The following RAP2A variants were observed in gnomAD, a reference collection of about 807,000 sequenced individuals.
The protein encoded by RAP2A is ras-related protein Rap-2a.
A neutral mutation model predicts 15.1 loss-of-function variants in RAP2A; 5 were observed. That is an observed-to-expected ratio of 0.33 (90% CI 0.17 to 0.70). The LOEUF (loss-of-function observed/expected upper bound fraction) is 0.70, where lower values mean the gene tolerates loss of function less well. Ranked by LOEUF, RAP2A falls within the 30% of genes least tolerant of loss-of-function variation. The pLI, the probability that RAP2A is intolerant of heterozygous loss-of-function variation, is 0.68. For missense variants in RAP2A, 111 were observed against 240.3 expected (o/e 0.46, Z 3.56); for synonymous variants, 110 against 99.7 (o/e 1.10, Z -0.62).
chr13:97,453,532 T>A (rs2066711062), intron 1 of RAP2A, among the ~76,000 whole-genome samples: 1 of 151,390 alleles, frequency 6.6e-6, no homozygotes, highest in Admixed American at 6.6e-5. Flanking sequence ...TGGAGATTCA[T>A]CCAAGGTGTT....
At position 97,468,874 on chromosome 13, in the gene RAP2A, G is replaced by A. The variant is rs1245418735; in HGVS notation, c.*4432G>A. 1 of 152,242 alleles carries A rather than the reference G, an allele frequency of 6.6e-6. No individual in the cohort carries two copies. Among genetic ancestry groups the A allele is most frequent in the South Asian group, 2.1e-4 (1 of 4,816 alleles). 9.4% of individuals were successfully genotyped at this position (152,242 alleles called of 1,614,324 possible). A position where few individuals can be genotyped will look rare whatever the true frequency, so the allele number is the denominator to read the frequency against. On this transcript the variant is annotated 3_prime_UTR_variant, in exon 2 of 2. Transcript: ENST00000245304. ...TATTATTTGTCTGTTAGAGGTCCAC[G>A]AATGAAAATATATGTAGCTAAAGGA...
intron 1 of RAP2A, among the ~76,000 whole-genome samples, chr13:97,447,784 C>G (rs2066685577): frequency 6.6e-6 from 1 of 152,158 alleles, no homozygotes; most frequent in Admixed American, 6.5e-5. Context: ...ACTTCATTAT[C>G]TCATTCTACT....
chr13:97,456,381 C>A (rs1198332343), intron 1 of RAP2A, among the ~76,000 whole-genome samples: 1 of 151,342 alleles, frequency 6.6e-6, no homozygotes, highest in Non-Finnish European at 1.5e-5. Flanking sequence ...TTTCAGAGTT[C>A]TTTGGTAATT....
chr13:97,462,054 TTA>T (rs922529972), intron 1 of RAP2A, among the ~76,000 whole-genome samples: 106 of 145,180 alleles, frequency 7.3e-4, no homozygotes, highest in African/African-American at 1.3e-3. Flanking sequence ...ATATATATAT[TTA>T]TATATATATT....
chr13:97,437,273 C>T (rs954526316), intron 1 of RAP2A: 10 of 152,020 alleles, frequency 6.6e-5, no homozygotes, highest in Non-Finnish European at 1.0e-4. Context: ...TGTGTTTGAC[C>T]TACCACATCT....
In RAP2A at chr13:97,444,941, C is replaced by G. The variant is rs555369176; in HGVS notation, c.314+10157C>G. The stretch of plus-strand genomic sequence containing the variant: ...CAATAGAAATGTATTGCTGACAGTT[C>G]TAGATGCCAGGAAATCCAAAGTCAA... On this transcript the variant is annotated intron_variant, in intron 1 of 1. Transcript: ENST00000245304. 1.8e-4 allele frequency among the ~76,000 whole-genome samples: 27 copies of G among 152,256 alleles called. No homozygotes were observed. The South Asian group carries it at 3.1e-3, about 18-fold the overall frequency.
intron 1 of RAP2A, among the ~76,000 whole-genome samples, chr13:97,443,446 G>T (rs936219693): frequency 6.6e-6 from 1 of 152,058 alleles, no homozygotes; most frequent in Non-Finnish European, 1.5e-5. Context: ...GGAGTGCAGC[G>T]GCGCCATCAG....
intron 1 of RAP2A, among the ~76,000 whole-genome samples, chr13:97,442,444 T>C (rs2066662060): frequency 6.6e-6 from 1 of 152,156 alleles, no homozygotes; most frequent in South Asian, 2.1e-4. Flanking sequence ...AATTAATAAC[T>C]ATCTCTATTT....
chr13:97,434,791 G>A lies in RAP2A; in HGVS notation c.314+7G>A, dbSNP rs979010706. On this transcript the variant is annotated splice_region_variant and intron_variant, in intron 1 of 1. Coordinates refer to ENST00000245304, the MANE Select transcript of RAP2A (RefSeq NM_021033.7). ...AGATCATCCGCGTGAAGCGGTGAGC[G>A]AGGGCACACGGGGGCTTGGCGGCTG... 2.5e-6 allele frequency: 4 copies of A among 1,613,508 alleles called. No homozygotes were observed. Among genetic ancestry groups the A allele is most frequent in the East Asian group, 2.2e-5 (1 of 44,830 alleles).
At chr13:97,442,031 G>A (rs976349576) in intron 1 of RAP2A, among the ~76,000 whole-genome samples, 8 of 149,850 alleles carry the variant, frequency 5.3e-5, no homozygotes, top group African/African-American at 1.9e-4. Context: ...CAGCCTGACA[G>A]AGAGAAGTTT....
At chr13:97,439,180 A>G (rs2066646491) in intron 1 of RAP2A, among the ~76,000 whole-genome samples, 1 of 152,184 alleles carries the variant, frequency 6.6e-6, no homozygotes, top group African/African-American at 2.4e-5. Context: ...TAAGGTGAAA[A>G]TTTTTAAAGC....
intron 1 of RAP2A, among the ~76,000 whole-genome samples, chr13:97,443,393 T>TA (rs1288973493): frequency 1.3e-5 from 2 of 152,210 alleles, no homozygotes; most frequent in Non-Finnish European, 2.9e-5. Flanking sequence ...AATGAAATCT[T>TA]AGAGTATTTT....
chr13:97,460,826 G>C (rs2066743434), intron 1 of RAP2A, among the ~76,000 whole-genome samples: 1 of 152,182 alleles, frequency 6.6e-6, no homozygotes, highest in Non-Finnish European at 1.5e-5. Context: ...GTTCAGCACA[G>C]GGACTCTGGA....
chr13:97,462,004 T>TATTTATATATTTA (rs2066749006), intron 1 of RAP2A, among the ~76,000 whole-genome samples: 1 of 144,336 alleles, frequency 6.9e-6, no homozygotes, highest in South Asian at 2.1e-4. Context: ...ATATTTATAT[T>TATTTATATATTTA]TATATATTTA....
At chr13:97,442,225 A>C (rs1057149177) in intron 1 of RAP2A, among the ~76,000 whole-genome samples, 2 of 152,136 alleles carry the variant, frequency 1.3e-5, no homozygotes, top group African/African-American at 4.8e-5. Flanking sequence ...TGAAGATTCT[A>C]ATACATAATC....
At chr13:97,441,894 G>T (rs2066659527) in intron 1 of RAP2A, 2 of 300,566 alleles carry the variant, frequency 6.7e-6, no homozygotes, top group Admixed American at 4.6e-5. Flanking sequence ...GAAATGTATA[G>T]ATATTGTGTT....
At chr13:97,440,079 C>T (rs1012659946) in intron 1 of RAP2A, among the ~76,000 whole-genome samples, 16 of 151,862 alleles carry the variant, frequency 1.1e-4, no homozygotes, top group African/African-American at 3.1e-4. Flanking sequence ...GCTGGAGAGC[C>T]GAAACGAGAG....
chr13:97,446,194 C>G (rs1189018828), intron 1 of RAP2A, among the ~76,000 whole-genome samples: 2 of 152,196 alleles, frequency 1.3e-5, no homozygotes, highest in African/African-American at 4.8e-5. Flanking sequence ...TACAGTACCC[C>G]TTTCCATCTT....
intron 1 of RAP2A, among the ~76,000 whole-genome samples, chr13:97,443,451 C>T (rs913519517): frequency 6.6e-6 from 1 of 152,064 alleles, no homozygotes; most frequent in Non-Finnish European, 1.5e-5. Flanking sequence ...GCAGCGGCGC[C>T]ATCAGAGCTT....
Sources: gnomAD v4.1 joint callset for allele counts (sites outside exome capture counted in the v4.1 genomes callset) on GRCh38, gnomAD v4.1.1 for gene constraint, MANE v1.5 for transcripts, NCBI Gene and HGNC (gene_info 2026-07-23, HGNC 2026-07-21) for gene names.